Variants in CACNB2 observed in about 807,000 individuals in gnomAD.
CACNB2 encodes voltage-dependent L-type calcium channel subunit beta-2.
A neutral mutation model predicts 73.3 loss-of-function variants in CACNB2; 42 were observed. That is an observed-to-expected ratio of 0.57 (90% CI 0.45 to 0.74). CACNB2 has a LOEUF of 0.74. Ranked by LOEUF, CACNB2 falls within the 30% of genes least tolerant of loss-of-function variation. The pLI is 0.00. For missense variants in CACNB2, 940 were observed against 853.0 expected, an observed-to-expected ratio of 1.10 and a Z score of -1.27; for synonymous variants, 348 against 310.3, an observed-to-expected ratio of 1.12 and a Z score of -1.28.
intron 4 of CACNB2, among the ~76,000 whole-genome samples, chr10:18,500,139 T>C (rs1335366263): frequency 6.6e-6 from 1 of 152,174 alleles, no homozygotes; most frequent in African/African-American, 2.4e-5. Flanking sequence ...TTCTTGATGA[T>C]TGATGCTGAA....
intron 2 of CACNB2, among the ~76,000 whole-genome samples, chr10:18,171,521 GAAAAAAAAAAAA>G (rs370201485): frequency 7.1e-4 from 23 of 32,604 alleles, no homozygotes; most frequent in South Asian, 5.4e-3. Flanking sequence ...TTTGATAGCA[GAAAAAAAAAAAA>G]AAAAAAAAAA....
intron 2 of CACNB2, among the ~76,000 whole-genome samples, chr10:18,220,220 TATATATATATATAGAGAGAGAG>T (rs1270229694): frequency 2.1e-5 from 1 of 46,662 alleles, no homozygotes; most frequent in Non-Finnish European, 3.4e-5. Flanking sequence ...TATATATATA[TATATATATATATAGAGAGAGAG>T]AGAGAGAGAG....
chr10:18,538,560 C>T (rs868779870), intron 13 of CACNB2, among the ~76,000 whole-genome samples, 195 bp downstream of exon 13: 1 of 152,078 alleles, frequency 6.6e-6, no homozygotes, highest in Non-Finnish European at 1.5e-5. Flanking sequence ...TGGGAACATA[C>T]ACAGACTACC....
At chr10:18,317,544 G>A (rs141717190) in intron 2 of CACNB2, among the ~76,000 whole-genome samples, 73 of 152,286 alleles carry the variant, frequency 4.8e-4, no homozygotes, top group African/African-American at 1.6e-3. Context: ...CTGCATCCAT[G>A]TGGCTGCAAA....
intron 2 of CACNB2, among the ~76,000 whole-genome samples, chr10:18,385,422 A>G (rs2132405203): frequency 7.9e-6 from 1 of 125,840 alleles, no homozygotes; most frequent in South Asian, 2.7e-4. Context: ...AATGTTCTAG[A>G]GCTAGCCTAC....
chr10:18,182,821 CAA>C (rs66540356), intron 2 of CACNB2, among the ~76,000 whole-genome samples: 30 of 117,608 alleles, frequency 2.6e-4, no homozygotes, highest in South Asian at 5.2e-4. Flanking sequence ...GACTCTGTCT[CAA>C]AAAAAAAAAA....
intron 2 of CACNB2, among the ~76,000 whole-genome samples, chr10:18,168,951 G>A (rs1419332166): frequency 6.6e-6 from 1 of 152,096 alleles, no homozygotes; most frequent in East Asian, 1.9e-4. Flanking sequence ...TTTTAATACA[G>A]TCTAACAGCC....
chr10:18,147,153 G>A (rs1282081687), intron 1 of CACNB2, among the ~76,000 whole-genome samples: 6 of 152,240 alleles, frequency 3.9e-5, no homozygotes, highest in African/African-American at 1.2e-4. Flanking sequence ...CTGTGAAAAG[G>A]TCAACATTTA....
intron 2 of CACNB2, among the ~76,000 whole-genome samples, chr10:18,199,721 G>A (rs980522975): frequency 1.3e-5 from 2 of 152,136 alleles, no homozygotes; most frequent in Non-Finnish European, 2.9e-5. Context: ...TATACTGTAA[G>A]ATAATTACTT....
rs78821094 is a variant in CACNB2 at position 18,322,469 on chromosome 10, T to C, written c.214-79455T>C. On this transcript the variant is annotated intron_variant, in intron 2 of 13. Transcript: ENST00000324631. ...TTGTTGTTTTTATATGTAACAAGTTTGTTGTCCTACAAAACATCCCACATT... is the reference window on the plus strand; with the variant it reads ...TTGTTGTTTTTATATGTAACAAGTTCGTTGTCCTACAAAACATCCCACATT... 2.1e-3 allele frequency among the ~76,000 whole-genome samples: 327 copies of C among 152,314 alleles called. 3 individuals are homozygous for C. The highest frequency in any genetic ancestry group is 7.4e-3 in the African/African-American group (306 of 41,562).
chr10:18,502,683 C>T (rs1346186491), intron 5 of CACNB2, among the ~76,000 whole-genome samples: 1 of 90,146 alleles, frequency 1.1e-5, no homozygotes, highest in African/African-American at 4.7e-5. Flanking sequence ...GAGCAAGACT[C>T]CATCTCAAAA....
intron 2 of CACNB2, among the ~76,000 whole-genome samples, chr10:18,341,402 T>C (rs1034487941): frequency 3.3e-5 from 5 of 152,218 alleles, no homozygotes; most frequent in African/African-American, 1.2e-4. Flanking sequence ...AAGATTCTTT[T>C]ACTATTCATC....
intron 8 of CACNB2, among the ~76,000 whole-genome samples, 171 bp from the exon 9 acceptor site, chr10:18,518,735 TTTAA>T (rs1243705138): frequency 1.3e-5 from 2 of 152,194 alleles, no homozygotes; most frequent in African/African-American, 2.4e-5. Flanking sequence ...ATAAGTTCAG[TTTAA>T]TTGTCATTGC....
intron 9 of CACNB2, among the ~76,000 whole-genome samples, chr10:18,521,125 C>T (rs2051837791): frequency 6.6e-6 from 1 of 152,220 alleles, no homozygotes; most frequent in Admixed American, 6.5e-5. Context: ...TGAAGCCAGT[C>T]TCTGCCTATG....
At chr10:18,419,160 G>C (rs1368573510) in intron 3 of CACNB2, among the ~76,000 whole-genome samples, 14 of 152,208 alleles carry the variant, frequency 9.2e-5, no homozygotes, top group Admixed American at 8.5e-4. Context: ...GGTTGAACTA[G>C]ATGGGAAGAA....
intron 2 of CACNB2, among the ~76,000 whole-genome samples, chr10:18,271,729 A>T (rs928795333): frequency 1.3e-5 from 2 of 152,036 alleles, no homozygotes; most frequent in African/African-American, 4.8e-5. Flanking sequence ...TGCTGAATAG[A>T]TCTGTTTCCC....
intron 2 of CACNB2, among the ~76,000 whole-genome samples, chr10:18,285,251 G>C (rs1564403971): frequency 6.6e-6 from 1 of 152,172 alleles, no homozygotes; most frequent in Non-Finnish European, 1.5e-5. Context: ...GGTCTAACGT[G>C]GTGAAAGTTA....
At chr10:18,494,631 C>CAAAAAA (rs909672661) in intron 3 of CACNB2, among the ~76,000 whole-genome samples, 6 of 61,652 alleles carry the variant, frequency 9.7e-5, no homozygotes, top group East Asian at 9.7e-4. Context: ...GACTCCGTCT[C>CAAAAAA]AAAAAAAAAA....
At chr10:18,336,327 C>T (rs915846505) in intron 2 of CACNB2, among the ~76,000 whole-genome samples, 7 of 152,214 alleles carry the variant, frequency 4.6e-5, no homozygotes, top group East Asian at 1.9e-4. Flanking sequence ...AATAAAATGA[C>T]GACTTAGGGT....
Sources: gnomAD v4.1 joint callset for allele counts (sites outside exome capture counted in the v4.1 genomes callset) on GRCh38, gnomAD v4.1.1 for gene constraint, MANE v1.5 for transcripts, NCBI Gene and HGNC (gene_info 2026-07-23, HGNC 2026-07-21) for gene names.